ANK3: variants seen among roughly 807,000 people sequenced by gnomAD.
ANK3 encodes the protein ankyrin 3.
In ANK3, 57 loss-of-function variants were observed where a neutral mutation model predicts 370.9. The ratio of observed to expected loss-of-function variants is 0.15; its 90% CI spans 0.12 to 0.19. The LOEUF is 0.19. Ranked by LOEUF, ANK3 falls within the 10% of genes least tolerant of loss-of-function variation. ANK3 has a pLI of 1.00. For synonymous variants in ANK3, 1,929 were observed against 1,946.3 expected, an observed-to-expected ratio of 0.99 and a Z score of 0.23; for missense variants, 4,439 against 5,302.1, an observed-to-expected ratio of 0.84 and a Z score of 5.06.
intron 12 of ANK3, 89 bp downstream of exon 12, chr10:60,202,913 A>C: frequency 1.1e-6 from 1 of 882,162 alleles, no homozygotes; most frequent in South Asian, 1.8e-5. Flanking sequence ...ACTCTTAAAA[A>C]AATAAAAAAT....
At chr10:60,214,750 C>T (rs945650732) in intron 8 of ANK3, among the ~76,000 whole-genome samples, 1 of 152,112 alleles carries the variant, frequency 6.6e-6, no homozygotes, top group Non-Finnish European at 1.5e-5. Flanking sequence ...TTTCCTTTCT[C>T]CAGTCTATTG....
rs561824910 is a variant in ANK3 at position 60,122,633 on chromosome 10, T to G, written c.2842-8302A>C. Reference sequence around the variant, plus strand: ...ATTTTCAAACTGGGGATGGTTGATATGGAGATAAAAGAAAACATATACGTC... The same window carrying G: ...ATTTTCAAACTGGGGATGGTTGATAGGGAGATAAAAGAAAACATATACGTC... On this transcript the variant is annotated intron_variant, in intron 25 of 43. Transcript: ENST00000280772. 2.6e-5 allele frequency among the ~76,000 whole-genome samples: 4 copies of G among 152,340 alleles called. No individual in the cohort carries two copies. In the East Asian group the frequency reaches 7.7e-4, roughly 29 times the overall value.
At chr10:60,694,680 T>C (rs2079416018) in intron 1 of ANK3, among the ~76,000 whole-genome samples, 1 of 152,116 alleles carries the variant, frequency 6.6e-6, no homozygotes, top group Non-Finnish European at 1.5e-5. Context: ...TAAAATACTT[T>C]ACAGACAAGC....
chr10:60,155,695 T>C (rs2095309269), intron 23 of ANK3, among the ~76,000 whole-genome samples: 1 of 152,182 alleles, frequency 6.6e-6, no homozygotes, highest in South Asian at 2.1e-4. Context: ...TCCATCTGGA[T>C]GGGCACATCT....
intron 25 of ANK3, among the ~76,000 whole-genome samples, chr10:60,126,531 C>T (rs934433089): frequency 1.4e-4 from 21 of 151,494 alleles, no homozygotes; most frequent in African/African-American, 4.8e-4. Context: ...ACTAAAAATA[C>T]AAAAAAATTA....
At chr10:60,324,174 A>T (rs905094000) in intron 1 of ANK3, among the ~76,000 whole-genome samples, 1 of 152,236 alleles carries the variant, frequency 6.6e-6, no homozygotes, top group Non-Finnish European at 1.5e-5. Flanking sequence ...GAAATGCTGG[A>T]GTGATGTCCT....
chr10:60,467,349 T>C (rs1016608210), intron 2 of ANK3, among the ~76,000 whole-genome samples: 1 of 152,182 alleles, frequency 6.6e-6, no homozygotes, highest in African/African-American at 2.4e-5. Flanking sequence ...CTCCCCATAC[T>C]GCCACTCTAG....
chr10:60,605,021 C>T (rs2078110749), intron 2 of ANK3, among the ~76,000 whole-genome samples: 1 of 152,156 alleles, frequency 6.6e-6, no homozygotes, highest in Non-Finnish European at 1.5e-5. Flanking sequence ...TTCCAGTAAA[C>T]ACATGATTAG....
intron 23 of ANK3, among the ~76,000 whole-genome samples, chr10:60,157,136 CA>C (rs1470533260): frequency 4.0e-5 from 6 of 150,466 alleles, no homozygotes; most frequent in Admixed American, 1.3e-4. Flanking sequence ...CTCCCAGGTT[CA>C]AGCCATTCTC....
intron 7 of ANK3, among the ~76,000 whole-genome samples, chr10:60,250,531 ATT>A (rs1182690797): frequency 6.6e-6 from 1 of 151,738 alleles, no homozygotes; most frequent in African/African-American, 2.4e-5. Context: ...CGCCCAGCTA[ATT>A]TTTTTGTATT....
intron 1 of ANK3, among the ~76,000 whole-genome samples, chr10:60,705,918 G>T (rs2079610554): frequency 1.3e-5 from 2 of 148,580 alleles, no homozygotes; most frequent in Non-Finnish European, 3.0e-5. Context: ...GACCACCCAG[G>T]CTCAGATGAT....
chr10:60,449,093 A>G (rs971197385), intron 2 of ANK3, among the ~76,000 whole-genome samples: 1 of 152,210 alleles, frequency 6.6e-6, no homozygotes, highest in Non-Finnish European at 1.5e-5. Context: ...ATGCTAAAAT[A>G]AGCATGGGTC....
rs764543410 is a variant in ANK3 at position 60,198,460 on chromosome 10, T to C, written c.1569A>G (p.Ala523=). Residue 523 remains alanine, a synonymous_variant, in exon 14 of 44, where the codon GCA becomes GCG. Transcript: ENST00000280772. ...DIVQQLLQQG[A]SPNAATTSGY... ...CAGAAGTTGTGGCTGCATTTGGAGA[T>C]GCCCCTTGCTGCAACAGCTGTTGTA... is the stretch of plus-strand genomic sequence containing the variant. The C allele has an allele frequency of 4.0e-5, 64 of 1,614,106 alleles. No homozygotes were observed. The highest frequency in any genetic ancestry group is 5.3e-5 in the Non-Finnish European group (63 of 1,180,048).
intron 1 of ANK3, among the ~76,000 whole-genome samples, chr10:60,714,866 T>A (rs1472386914): frequency 6.6e-6 from 1 of 152,138 alleles, no homozygotes; most frequent in Non-Finnish European, 1.5e-5. Context: ...CAGAAGATTT[T>A]TAGGGCAGCG....
chr10:60,196,569 A>T lies in ANK3; in HGVS notation c.1746T>A (p.Asn582Lys). The change falls in exon 15 of 44, where the codon AAT (asparagine) becomes AAA (lysine). Residue 582 changes from asparagine (N) to lysine (K), a missense_variant. Coordinates refer to ENST00000280772, the MANE Select transcript of ANK3 (RefSeq NM_020987.5). ...AAKYGKLEVA[N>K]LLLQKSASPD... is the part of the protein sequence containing the mutation. ...GAGATGCACTTTTCTGTAGCAGGAGATTGGCGACTTCAAGCTTTCCATATT... is the reference window on the plus strand; with the variant it reads ...GAGATGCACTTTTCTGTAGCAGGAGTTTGGCGACTTCAAGCTTTCCATATT... 1 of 1,613,208 alleles carries T rather than the reference A, an allele frequency of 6.2e-7. No individual in the cohort carries two copies. Among genetic ancestry groups the T allele is most frequent in the Non-Finnish European group, 8.5e-7 (1 of 1,179,796 alleles).
At chr10:60,472,310 GA>G (rs773424667) in intron 2 of ANK3, among the ~76,000 whole-genome samples, 10 of 151,870 alleles carry the variant, frequency 6.6e-5, no homozygotes, top group Non-Finnish European at 1.0e-4. Flanking sequence ...CTCAAGGTCA[GA>G]AAAAAAATCC....
In ANK3 at chr10:60,232,144, C is replaced by T. The variant is rs546542994; in HGVS notation, c.897+2544G>A. Reference sequence around the variant, plus strand: ...TGTATCCTTTTCTCCTCCCATTGAACGAAATAGGACATGTAAGTGTTTGAC... The same window carrying T: ...TGTATCCTTTTCTCCTCCCATTGAATGAAATAGGACATGTAAGTGTTTGAC... On this transcript the variant is annotated intron_variant, in intron 8 of 43. Transcript: ENST00000280772. 7.2e-5 allele frequency among the ~76,000 whole-genome samples: 11 copies of T among 152,176 alleles called. No individual in the cohort carries two copies. In the South Asian group the frequency reaches 8.3e-4, roughly 11 times the overall value.
intron 1 of ANK3, among the ~76,000 whole-genome samples, chr10:60,666,317 T>G (rs7086632): frequency 0.041 from 6,227 of 152,262 alleles, 160 homozygotes; most frequent in South Asian, 0.071. Flanking sequence ...AAATACTGTA[T>G]GACTCCACTT....
intron 2 of ANK3, chr10:60,572,655 C>A (rs1026067454): frequency 1.7e-4 from 254 of 1,451,544 alleles, no homozygotes; most frequent in Middle Eastern, 5.4e-4. Flanking sequence ...GGCAAAGCAG[C>A]CGCTGCTTAA....
Sources: allele counts gnomAD v4.1 joint callset (sites outside exome capture counted in the v4.1 genomes callset), GRCh38; gene constraint gnomAD v4.1.1; transcripts MANE v1.5; gene names NCBI Gene and HGNC (gene_info 2026-07-23, HGNC 2026-07-21).